Variants in RBM46 observed in about 807,000 individuals in gnomAD.
RBM46 encodes RNA binding motif protein 46.
Under a neutral mutation model 43.3 loss-of-function variants are expected in RBM46, and 12 were observed. That is an observed-to-expected ratio of 0.28 (90% CI 0.18 to 0.45). The LOEUF (loss-of-function observed/expected upper bound fraction) is 0.45, where lower values mean the gene tolerates loss of function less well. RBM46 is among the 20% of genes least tolerant of loss of function. The pLI, the probability that RBM46 is intolerant of heterozygous loss-of-function variation, is 1.00. For synonymous variants in RBM46, 205 were observed against 207.6 expected (o/e 0.99, Z 0.11); for missense variants, 412 against 639.1 (o/e 0.64, Z 3.83).
chr4:154,783,197 G>A (rs533078115), intron 1 of RBM46, among the ~76,000 whole-genome samples: 21 of 152,134 alleles, frequency 1.4e-4, no homozygotes, highest in Non-Finnish European at 2.8e-4. Flanking sequence ...TCTGCTTAAG[G>A]CACTGCTTTG....
chr4:154,824,107 T>C (rs1216370261), intron 4 of RBM46, among the ~76,000 whole-genome samples: 3 of 151,830 alleles, frequency 2.0e-5, no homozygotes, highest in African/African-American at 7.2e-5. Context: ...TTTTTTGTTT[T>C]CCACAAAACA....
chr4:154,822,219 C>T (rs964453156), intron 4 of RBM46, among the ~76,000 whole-genome samples: 13 of 151,576 alleles, frequency 8.6e-5, no homozygotes, highest in African/African-American at 3.1e-4. Context: ...TTTCTTTCAC[C>T]CCCAAAAGTT....
rs1476141171 is a variant in RBM46, at chr4:154,828,071, A to T, written c.*4A>T. 6.3e-7 allele frequency: 1 copy of T among 1,578,112 alleles called. No homozygotes were observed. Among genetic ancestry groups the T allele is most frequent in the Middle Eastern group, 1.7e-4 (1 of 6,012 alleles). On this transcript the variant is annotated 3_prime_UTR_variant, in exon 5 of 5. Coordinates refer to ENST00000281722, the MANE Select transcript of RBM46 (RefSeq NM_144979.5). The stretch of plus-strand genomic sequence containing the variant: ...CAATCAGGCCTCCTTCTTCTGAAGA[A>T]AATACTAACATTAGTATGAAAATTT...
At chr4:154,809,263 G>T (rs1458875529) in intron 4 of RBM46, among the ~76,000 whole-genome samples, 1 of 151,890 alleles carries the variant, frequency 6.6e-6, no homozygotes, top group African/African-American at 2.4e-5. Context: ...AATGTGGCTT[G>T]GGAGAAGGAT....
intron 1 of RBM46, among the ~76,000 whole-genome samples, chr4:154,782,739 C>T (rs1733561192): frequency 6.6e-6 from 1 of 152,174 alleles, no homozygotes; most frequent in African/African-American, 2.4e-5. Context: ...CTTCGGCCTC[C>T]CCAAGTGCTG....
At chr4:154,802,374 T>G (rs1479049814) in intron 4 of RBM46, among the ~76,000 whole-genome samples, 1 of 152,138 alleles carries the variant, frequency 6.6e-6, no homozygotes, top group African/African-American at 2.4e-5. Flanking sequence ...AGTGAGGAGG[T>G]TCTATGTTGC....
chr4:154,827,425 G>A, intron 4 of RBM46: 1 of 994,700 alleles, frequency 1.0e-6, no homozygotes, highest in Non-Finnish European at 1.2e-6. Flanking sequence ...GCAGTCCAGG[G>A]GTGAATGTTT....
intron 4 of RBM46, among the ~76,000 whole-genome samples, chr4:154,802,241 T>C (rs1256801150): frequency 1.3e-5 from 2 of 152,062 alleles, no homozygotes; most frequent in Non-Finnish European, 2.9e-5. Flanking sequence ...TTTAGGCAGC[T>C]GAGAAGGAGA....
At chr4:154,785,292 C>T (rs1189871472) in intron 1 of RBM46, among the ~76,000 whole-genome samples, 3 of 151,374 alleles carry the variant, frequency 2.0e-5, no homozygotes, top group Non-Finnish European at 4.4e-5. Flanking sequence ...TAAATAATCT[C>T]TTTAAAAATA....
chr4:154,809,468 A>G (rs1472308177), intron 4 of RBM46, among the ~76,000 whole-genome samples: 1 of 152,140 alleles, frequency 6.6e-6, no homozygotes, highest in African/African-American at 2.4e-5. Context: ...AAAAACTTGT[A>G]TAATCAACTC....
At chr4:154,803,521 T>G (rs1185715070) in intron 4 of RBM46, among the ~76,000 whole-genome samples, 1 of 151,258 alleles carries the variant, frequency 6.6e-6, no homozygotes, top group Non-Finnish European at 1.5e-5. Flanking sequence ...GCGAACACGG[T>G]GAAACCCCGT....
At chr4:154,803,702 CAAAAAAAAA>C (rs35506499) in intron 4 of RBM46, among the ~76,000 whole-genome samples, 37 of 41,322 alleles carry the variant, frequency 9.0e-4, no homozygotes, top group African/African-American at 2.7e-3. Context: ...GACTACGTCT[CAAAAAAAAA>C]AAAAAAAAAA....
intron 4 of RBM46, among the ~76,000 whole-genome samples, chr4:154,800,188 T>A (rs1734562442): frequency 6.6e-6 from 1 of 152,160 alleles, no homozygotes; most frequent in African/African-American, 2.4e-5. Flanking sequence ...GAAATAAAAA[T>A]TTTTTGTATA....
At chr4:154,791,112 T>C (rs1734069618) in intron 1 of RBM46, among the ~76,000 whole-genome samples, 1 of 152,184 alleles carries the variant, frequency 6.6e-6, no homozygotes, top group African/African-American at 2.4e-5. Context: ...CATGGTTCTG[T>C]AGAAACTTAA....
chr4:154,818,553 G>C (rs2111202062), intron 4 of RBM46, among the ~76,000 whole-genome samples: 1 of 152,190 alleles, frequency 6.6e-6, no homozygotes, highest in Non-Finnish European at 1.5e-5. Context: ...TTACTATTAT[G>C]GATTTGACTT....
chr4:154,804,297 T>G (rs1734798348), intron 4 of RBM46, among the ~76,000 whole-genome samples: 1 of 152,220 alleles, frequency 6.6e-6, no homozygotes, highest in African/African-American at 2.4e-5. Context: ...GGAGATATCT[T>G]GGGTCATTCA....
intron 4 of RBM46, among the ~76,000 whole-genome samples, chr4:154,825,761 C>T (rs1305343534): frequency 6.6e-6 from 1 of 152,142 alleles, no homozygotes; most frequent in East Asian, 1.9e-4. Context: ...AAATCTTTCC[C>T]TGAAGATAAC....
At chr4:154,793,964 A>G (rs889049697) in intron 1 of RBM46, among the ~76,000 whole-genome samples, 1 of 152,170 alleles carries the variant, frequency 6.6e-6, no homozygotes. Flanking sequence ...TCTTACCCCT[A>G]AAACCAGTTC....
chr4:154,789,324 G>A (rs1387171644), intron 1 of RBM46, among the ~76,000 whole-genome samples: 2 of 152,054 alleles, frequency 1.3e-5, no homozygotes, highest in African/African-American at 4.8e-5. Flanking sequence ...GTCATAAATA[G>A]CTCATTATTT....
Sources: gnomAD v4.1 joint callset for allele counts (sites outside exome capture counted in the v4.1 genomes callset) on GRCh38, gnomAD v4.1.1 for gene constraint, MANE v1.5 for transcripts, NCBI Gene and HGNC (gene_info 2026-07-23, HGNC 2026-07-21) for gene names.